DLG2: variants seen among roughly 807,000 people sequenced by gnomAD.
The protein encoded by DLG2 is discs large MAGUK scaffold protein 2, also known as disks large homolog 2.
In DLG2, 45 loss-of-function variants were observed where a neutral mutation model predicts 132.5. The ratio of observed to expected loss-of-function variants is 0.34; its 90% CI spans 0.27 to 0.44. The LOEUF is 0.44. DLG2 is among the 20% of genes least tolerant of loss of function. The probability of loss-of-function intolerance (pLI) is 1.00; values close to 1 mark genes in which losing one functional copy is unlikely to be tolerated. For missense variants in DLG2, 1,045 were observed against 1,196.9 expected (o/e 0.87, Z 1.87); for synonymous variants, 424 against 419.6 (o/e 1.01, Z -0.13).
At chr11:84,651,159 T>C (rs575881331) in intron 6 of DLG2, among the ~76,000 whole-genome samples, 1 of 152,138 alleles carries the variant, frequency 6.6e-6, no homozygotes, top group African/African-American at 2.4e-5. Flanking sequence ...TATCTAACTC[T>C]GCCTGATCTT....
chr11:85,479,811 G>A (rs930111547), intron 3 of DLG2, among the ~76,000 whole-genome samples: 3 of 152,166 alleles, frequency 2.0e-5, no homozygotes, highest in African/African-American at 7.2e-5. Context: ...AAGGATCTGT[G>A]CCAAGCCTCT....
Position 83,962,968 on chromosome 11 carries a change from T to C in DLG2, c.1257A>G (p.Glu419=), listed in dbSNP as rs780322366. 24 of 1,613,202 alleles carry C rather than the reference T, an allele frequency of 1.5e-5. No homozygotes were observed. In the South Asian group the frequency reaches 2.6e-4, roughly 18 times the overall value. The change falls in exon 14 of 28, where the codon GAA becomes GAG. Residue 419 remains glutamate (E), a synonymous_variant. Transcript: ENST00000376104. ...AGATGGGTGGCAGGGAGGTTTTATA[T>C]TCTAAAGTGCCATTGTTGCCAGAGA... ...HLLSGNNGTL[E]YKTSLPPISP...
chr11:85,423,881 CCTT>C (rs936627883), intron 3 of DLG2, among the ~76,000 whole-genome samples: 3 of 152,194 alleles, frequency 2.0e-5, no homozygotes, highest in African/African-American at 7.2e-5. Context: ...ATATGGCTTC[CCTT>C]CTTCCCCCAC....
intron 3 of DLG2, among the ~76,000 whole-genome samples, chr11:85,422,598 C>G (rs530018835): frequency 2.0e-5 from 3 of 151,528 alleles, no homozygotes; most frequent in African/African-American, 7.3e-5. Context: ...TGAGATGATT[C>G]TCTTGCCTCA....
chr11:83,917,119 G>T (rs1267616940), intron 15 of DLG2, among the ~76,000 whole-genome samples: 1 of 152,094 alleles, frequency 6.6e-6, no homozygotes, highest in Non-Finnish European at 1.5e-5. Flanking sequence ...ATTGGTAGAA[G>T]GAACTTCAGA....
chr11:83,455,540 T>C lies in DLG2; in HGVS notation c.*4278A>G, dbSNP rs764228936. 6.5e-6 allele frequency: 1 copy of C among 152,698 alleles called. No individual in the cohort carries two copies. Among genetic ancestry groups the C allele is most frequent in the Admixed American group, 6.5e-5 (1 of 15,294 alleles). 9.5% of individuals were successfully genotyped at this position (152,698 alleles called of 1,614,324 possible). A position where few individuals can be genotyped will look rare whatever the true frequency, so the allele number is the denominator to read the frequency against. ...CTAGGGAGATACTATACTCTTTAGA[T>C]GATCTTTGTCTAAATTGTCCGCCTG... On this transcript the variant is annotated 3_prime_UTR_variant, in exon 28 of 28. Transcript: ENST00000376104.
chr11:83,488,674 T>C (rs1036785361), intron 21 of DLG2, among the ~76,000 whole-genome samples: 3 of 152,044 alleles, frequency 2.0e-5, no homozygotes, highest in African/African-American at 7.2e-5. Context: ...ATACAGGTGT[T>C]CTCTGGGCAG....
chr11:85,069,367 C>A (rs1445985609), intron 6 of DLG2, among the ~76,000 whole-genome samples: 1 of 152,068 alleles, frequency 6.6e-6, no homozygotes, highest in Non-Finnish European at 1.5e-5. Flanking sequence ...GAACAGGCAA[C>A]CTACAGAATG....
intron 15 of DLG2, among the ~76,000 whole-genome samples, chr11:83,924,481 T>C (rs1159716445): frequency 6.6e-6 from 1 of 152,138 alleles, no homozygotes; most frequent in Non-Finnish European, 1.5e-5. Context: ...AAGTAAATTT[T>C]GAAGCCTTAA....
chr11:83,589,209 A>G (rs1269643252), intron 19 of DLG2, among the ~76,000 whole-genome samples: 1 of 152,050 alleles, frequency 6.6e-6, no homozygotes, highest in African/African-American at 2.4e-5. Flanking sequence ...AAAGTTGAAA[A>G]AAAGGAAAAA....
In DLG2 at chr11:83,474,124, A is replaced by T. The variant is rs957355674; in HGVS notation, c.2294-1347T>A. Among the ~76,000 whole-genome samples the T allele has an allele frequency of 3.9e-5, 6 of 152,172 alleles. 1 individual carries two copies. Among genetic ancestry groups the T allele is most frequent in the Admixed American group, 2.0e-4 (3 of 15,270 alleles). Reference sequence around the variant, plus strand: ...AGAGTGGACCTTGATGCTCCTCCTAAGTGGTATGTACCCATGGCCACCCCA... The same window carrying T: ...AGAGTGGACCTTGATGCTCCTCCTATGTGGTATGTACCCATGGCCACCCCA... On this transcript the variant is annotated intron_variant, in intron 22 of 27. Coordinates refer to ENST00000376104, the MANE Select transcript of DLG2 (RefSeq NM_001142699.3).
chr11:83,830,639 A>T (rs2054223365), intron 17 of DLG2, among the ~76,000 whole-genome samples: 1 of 152,252 alleles, frequency 6.6e-6, no homozygotes, highest in Non-Finnish European at 1.5e-5. Context: ...GTGTGCACCA[A>T]GAAGATGTGC....
intron 3 of DLG2, among the ~76,000 whole-genome samples, chr11:85,569,719 C>A (rs928138545): frequency 1.3e-5 from 2 of 152,108 alleles, no homozygotes; most frequent in African/African-American, 4.8e-5. Context: ...CAAAAAACAA[C>A]AGATGCTGGT....
At chr11:85,310,203 A>G (rs368387838) in intron 3 of DLG2, among the ~76,000 whole-genome samples, 1 of 152,212 alleles carries the variant, frequency 6.6e-6, no homozygotes, top group South Asian at 2.1e-4. Flanking sequence ...AGCTTGAGGT[A>G]TATATTCCTT....
chr11:85,483,010 A>T (rs2093335968), intron 3 of DLG2, among the ~76,000 whole-genome samples: 1 of 152,242 alleles, frequency 6.6e-6, no homozygotes, highest in Non-Finnish European at 1.5e-5. Flanking sequence ...CATAAAGGAG[A>T]AAAGAAAGAG....
intron 7 of DLG2, among the ~76,000 whole-genome samples, chr11:84,483,385 C>A (rs951414900): frequency 1.0e-4 from 14 of 140,044 alleles, no homozygotes; most frequent in African/African-American, 3.6e-4. Flanking sequence ...GAGCCTGGAT[C>A]ATGCCATTGC....
chr11:83,503,582 T>C (rs1224224888), intron 21 of DLG2, among the ~76,000 whole-genome samples: 2 of 151,468 alleles, frequency 1.3e-5, no homozygotes, highest in African/African-American at 2.4e-5. Flanking sequence ...AGTCCGATGT[T>C]CAAGGGTAGG....
At chr11:84,906,653 C>A (rs1306621801) in intron 6 of DLG2, among the ~76,000 whole-genome samples, 1 of 152,010 alleles carries the variant, frequency 6.6e-6, no homozygotes, top group Non-Finnish European at 1.5e-5. Context: ...AATTTGAAGT[C>A]TATCAGGGAG....
chr11:84,068,887 G>A lies in DLG2; in HGVS notation c.750-9403C>T, dbSNP rs143044626. The stretch of plus-strand genomic sequence containing the variant: ...AGTTGAAATAGGTTTGTAATGACAG[G>A]TAAATGATGTCTAGGAAATCTCAAA... On this transcript the variant is annotated intron_variant, in intron 10 of 27. Coordinates refer to ENST00000376104, the MANE Select transcript of DLG2 (RefSeq NM_001142699.3). Among the ~76,000 whole-genome samples, 78 of 152,224 alleles carry A rather than the reference G, an allele frequency of 5.1e-4. 1 individual carries two copies. In the East Asian group the frequency reaches 0.013, roughly 26 times the overall value.
Sources: gnomAD v4.1 joint callset for allele counts (sites outside exome capture counted in the v4.1 genomes callset) on GRCh38, gnomAD v4.1.1 for gene constraint, MANE v1.5 for transcripts, NCBI Gene and HGNC (gene_info 2026-07-23, HGNC 2026-07-21) for gene names.